Variants in NTRK2 observed in about 807,000 individuals in gnomAD.
The protein encoded by NTRK2 is neurotrophic receptor tyrosine kinase 2.
In NTRK2, 13 loss-of-function variants were observed where a neutral mutation model predicts 94.5. The ratio of observed to expected loss-of-function variants is 0.14; its 90% CI spans 0.09 to 0.22. The LOEUF is 0.22. NTRK2 is among the 10% of genes least tolerant of loss of function. The pLI is 1.00. For missense variants in NTRK2, 639 were observed against 1,071.2 expected, an observed-to-expected ratio of 0.60 and a Z score of 5.63; for synonymous variants, 372 against 407.4, an observed-to-expected ratio of 0.91 and a Z score of 1.05.
chr9:84,921,074 A>C (rs1165434612), intron 14 of NTRK2, among the ~76,000 whole-genome samples: 1 of 152,242 alleles, frequency 6.6e-6, no homozygotes, highest in Non-Finnish European at 1.5e-5. Context: ...AGCATCACTG[A>C]AGCTCTCCCA....
intron 14 of NTRK2, chr9:84,877,559 C>G (rs2076114354): frequency 2.8e-6 from 3 of 1,066,452 alleles, no homozygotes; most frequent in Non-Finnish European, 3.4e-6. Context: ...TTCCTGCCAC[C>G]TCATTGCACT....
intron 17 of NTRK2, among the ~76,000 whole-genome samples, chr9:85,004,763 A>G (rs1337989980): frequency 1.3e-5 from 2 of 152,216 alleles, no homozygotes; most frequent in Non-Finnish European, 2.9e-5. Context: ...TTCCTCAAAG[A>G]CAGCTCAAAT....
chr9:84,817,106 C>T (rs1435733701), intron 12 of NTRK2, among the ~76,000 whole-genome samples: 1 of 152,168 alleles, frequency 6.6e-6, no homozygotes, highest in Admixed American at 6.5e-5. Context: ...TGAGATGGCT[C>T]AGGTAAAGCC....
intron 12 of NTRK2, chr9:84,811,111 C>G (rs1297352341): frequency 1.1e-5 from 12 of 1,068,346 alleles, no homozygotes; most frequent in East Asian, 5.0e-5. Context: ...ACTTTTTCAT[C>G]TATAACACAG....
chr9:84,812,441 C>A, intron 12 of NTRK2: 1 of 1,054,676 alleles, frequency 9.5e-7, no homozygotes, highest in Non-Finnish European at 1.1e-6. Context: ...GGCAGCTGGC[C>A]CCCAATGTGG....
At chr9:84,938,359 C>T (rs2078280794) in intron 15 of NTRK2, among the ~76,000 whole-genome samples, 1 of 152,130 alleles carries the variant, frequency 6.6e-6, no homozygotes, top group South Asian at 2.1e-4. Flanking sequence ...ATTTCCATGT[C>T]GGGATGGCCC....
At chr9:84,948,392 G>A (rs1366142606) in intron 15 of NTRK2, 70 bp from the exon 16 acceptor site, 4 of 1,474,982 alleles carry the variant, frequency 2.7e-6, no homozygotes, top group East Asian at 2.3e-5. Context: ...CAAATGAGAT[G>A]GATGTCTTTC....
intron 17 of NTRK2, among the ~76,000 whole-genome samples, chr9:84,992,199 A>C (rs1208455693): frequency 6.6e-6 from 1 of 152,152 alleles, no homozygotes; most frequent in African/African-American, 2.4e-5. Context: ...ACCTGGGGGT[A>C]TCAAGTTGGC....
chr9:84,980,598 T>G (rs1463689421), intron 17 of NTRK2, among the ~76,000 whole-genome samples: 1 of 152,212 alleles, frequency 6.6e-6, no homozygotes, highest in Non-Finnish European at 1.5e-5. Flanking sequence ...TGTCCCTAGG[T>G]GTGAGTCTGT....
intron 12 of NTRK2, among the ~76,000 whole-genome samples, chr9:84,762,827 G>A (rs144072389): frequency 6.6e-6 from 1 of 152,086 alleles, no homozygotes; most frequent in Non-Finnish European, 1.5e-5. Flanking sequence ...GTCACTTCAG[G>A]TCTCTCACTT....
chr9:84,812,527 C>A, intron 12 of NTRK2: 1 of 1,046,358 alleles, frequency 9.6e-7, no homozygotes. Flanking sequence ...ACTTAGATTC[C>A]GATCTTTCCC....
At chr9:84,947,654 G>T (rs920134846) in intron 15 of NTRK2, among the ~76,000 whole-genome samples, 6 of 152,232 alleles carry the variant, frequency 3.9e-5, no homozygotes, top group African/African-American at 1.2e-4. Flanking sequence ...AGCTTGAATT[G>T]CAGTTATTTA....
intron 12 of NTRK2, among the ~76,000 whole-genome samples, chr9:84,833,606 AAAAG>A (rs1337458728): frequency 7.4e-5 from 11 of 149,210 alleles, no homozygotes; most frequent in East Asian, 1.9e-4. Context: ...AAAAAGAAAG[AAAAG>A]AAAGAGAGAG....
intron 12 of NTRK2, among the ~76,000 whole-genome samples, chr9:84,765,927 T>G (rs1395053195): frequency 6.6e-6 from 1 of 152,158 alleles, no homozygotes; most frequent in Non-Finnish European, 1.5e-5. Context: ...TTAAAAAATA[T>G]GGTTTAAACA....
chr9:84,986,787 G>A (rs569341309), intron 17 of NTRK2, among the ~76,000 whole-genome samples: 1 of 152,352 alleles, frequency 6.6e-6, no homozygotes, highest in Admixed American at 6.5e-5. Flanking sequence ...GAGACAGAAG[G>A]TGGCCTTTGC....
In NTRK2 at chr9:84,718,040, C is replaced by T. The variant is rs1385952236; in HGVS notation, c.584-5533C>T. 1.9e-5 allele frequency among the ~76,000 whole-genome samples: 2 copies of T among 103,022 alleles called. 1 individual carries two copies. Among genetic ancestry groups the T allele is most frequent in the Non-Finnish European group, 3.8e-5 (2 of 52,886 alleles). The allele number at this position is 103,022 out of a possible 152,430, so 67.6% of individuals were successfully genotyped here. The stretch of plus-strand genomic sequence containing the variant: ...TCTTCTTCCTCTTCCCCTTCCTCTT[C>T]TTCCTCCTCTTCTTCCTCCTCTTCT... On this transcript the variant is annotated intron_variant, in intron 6 of 18. Transcript: ENST00000277120.
In NTRK2 at chr9:84,955,345, C is replaced by T. The variant is rs777251032; in HGVS notation, c.2000C>T (p.Ser667Leu). The T allele has an allele frequency of 7.4e-6, 12 of 1,612,972 alleles. No homozygotes were observed. The South Asian group carries it at 8.8e-5, about 12-fold the overall frequency. Residue 667 changes from serine to leucine, a missense_variant, in exon 17 of 19, where the codon TCG becomes TTG. Ser to Leu is a moderately radical substitution (Grantham distance 145). This residue lies in a region of NTRK2 where 343 missense variants were observed against 571.5 expected (regional missense o/e 0.60). Transcript: ENST00000277120. ...AACCCGCCCACGGAACTGACGCAGT[C>T]GCAGATGCTGCATATAGCCCAGCAG... The part of the protein sequence containing the change: ...EGNPPTELTQ[S>L]QMLHIAQQIA...
At chr9:84,805,843 A>G (rs2071047534) in intron 12 of NTRK2, among the ~76,000 whole-genome samples, 1 of 152,242 alleles carries the variant, frequency 6.6e-6, no homozygotes, top group African/African-American at 2.4e-5. Flanking sequence ...CAGCTGTACT[A>G]GCACACTCAG....
At chr9:84,743,186 T>A (rs997989465) in intron 10 of NTRK2, among the ~76,000 whole-genome samples, 6 of 152,134 alleles carry the variant, frequency 3.9e-5, no homozygotes, top group African/African-American at 1.4e-4. Flanking sequence ...TGAAAACCCA[T>A]ATTTAACAGA....
Sources: gnomAD v4.1 joint callset for allele counts (sites outside exome capture counted in the v4.1 genomes callset) on GRCh38, gnomAD v4.1.1 for gene constraint, gnomAD v4.1.1 regional missense constraint, MANE v1.5 for transcripts, NCBI Gene and HGNC (gene_info 2026-07-23, HGNC 2026-07-21) for gene names.